RBM47: variants seen among roughly 807,000 people sequenced by gnomAD.
RBM47 encodes the protein RNA-binding protein 47.
RBM47 carries 21 observed loss-of-function variants against 47.1 expected under a neutral mutation model. The ratio of observed to expected loss-of-function variants is 0.45; its 90% CI spans 0.32 to 0.64. RBM47 has a LOEUF of 0.64. Among genes scored for constraint, RBM47 ranks in the 30% least tolerant of loss-of-function variants. The pLI, the probability that RBM47 is intolerant of heterozygous loss-of-function variation, is 0.05. For missense variants in RBM47, 708 were observed against 870.9 expected (o/e 0.81, Z 2.35); for synonymous variants, 375 against 361.7 (o/e 1.04, Z -0.42).
At chr4:40,610,402 C>T (rs780482504) in intron 1 of RBM47, among the ~76,000 whole-genome samples, 11 of 151,628 alleles carry the variant, frequency 7.3e-5, no homozygotes, top group Non-Finnish European at 1.5e-4. Flanking sequence ...GCAGGCAGAT[C>T]ACAAGGTCAG....
At chr4:40,525,876 G>A (rs2154257910) in intron 2 of RBM47, among the ~76,000 whole-genome samples, 1 of 152,236 alleles carries the variant, frequency 6.6e-6, no homozygotes, top group Non-Finnish European at 1.5e-5. Flanking sequence ...GGCTGGCCTG[G>A]CAGTGCTGCT....
At chr4:40,573,763 G>GAGAGAGAAAGAAAGAAAGAA in intron 1 of RBM47, among the ~76,000 whole-genome samples, 2 of 144,800 alleles carry the variant, frequency 1.4e-5, no homozygotes, top group East Asian at 4.1e-4. Flanking sequence ...GAAAGAGAGA[G>GAGAGAGAAAGAAAGAAAGAA]AGAGAGAAAG....
At chr4:40,604,771 C>A (rs866919907) in intron 1 of RBM47, among the ~76,000 whole-genome samples, 7 of 152,246 alleles carry the variant, frequency 4.6e-5, no homozygotes, top group South Asian at 2.1e-4. Flanking sequence ...GGCTGGAGTA[C>A]AGTGGTGCAA....
At chr4:40,451,089 G>A (rs1207003619) in intron 3 of RBM47, among the ~76,000 whole-genome samples, 2 of 150,030 alleles carry the variant, frequency 1.3e-5, no homozygotes, top group African/African-American at 4.9e-5. Flanking sequence ...GCTCACGCCT[G>A]TAATCCCAGC....
intron 1 of RBM47, among the ~76,000 whole-genome samples, chr4:40,566,885 G>A (rs1181384941): frequency 6.6e-6 from 1 of 151,590 alleles, no homozygotes; most frequent in South Asian, 2.1e-4. Flanking sequence ...ATCCTCCCAT[G>A]AGTCCTCCCA....
intron 2 of RBM47, among the ~76,000 whole-genome samples, chr4:40,472,917 C>G (rs1466011968): frequency 2.0e-5 from 3 of 152,106 alleles, no homozygotes; most frequent in Non-Finnish European, 4.4e-5. Context: ...GAGTGCTAGA[C>G]TTGAAATGGA....
intron 3 of RBM47, among the ~76,000 whole-genome samples, chr4:40,443,493 G>A (rs1003655468): frequency 6.6e-5 from 10 of 151,816 alleles, no homozygotes; most frequent in Admixed American, 6.6e-5. Flanking sequence ...TAAGGTGGGC[G>A]GATCACCTGA....
intron 1 of RBM47, among the ~76,000 whole-genome samples, chr4:40,595,630 G>C (rs1734682305): frequency 6.6e-6 from 1 of 152,176 alleles, no homozygotes; most frequent in Non-Finnish European, 1.5e-5. Context: ...GCTCATGCCT[G>C]TAATCCTAGC....
intron 2 of RBM47, among the ~76,000 whole-genome samples, chr4:40,511,143 C>CTG (rs2154253409): frequency 6.6e-6 from 1 of 152,308 alleles, no homozygotes; most frequent in South Asian, 2.1e-4. Context: ...CCAAGTTGCC[C>CTG]GTGTAGTTCT....
chr4:40,574,498 AG>A (rs566626932), intron 1 of RBM47, among the ~76,000 whole-genome samples: 30 of 152,352 alleles, frequency 2.0e-4, no homozygotes, highest in Admixed American at 6.5e-4. Context: ...AGAATCTCAT[AG>A]GTAATCACAA....
intron 1 of RBM47, among the ~76,000 whole-genome samples, chr4:40,576,255 TTGG>T (rs764553008): frequency 0.011 from 663 of 61,218 alleles, 4 homozygotes; most frequent in East Asian, 0.027. Flanking sequence ...TTTTTTTTTT[TTGG>T]GGGGGGGCGG....
At chr4:40,584,646 TA>T (rs1349464455) in intron 1 of RBM47, among the ~76,000 whole-genome samples, 1 of 152,034 alleles carries the variant, frequency 6.6e-6, no homozygotes, top group South Asian at 2.1e-4. Flanking sequence ...AAATTTACAG[TA>T]AAAAAAGTAG....
rs773506304 is a variant in RBM47, at chr4:40,432,719, C to G, written c.1474G>C (p.Ala492Pro). Residue 492 changes from alanine (A) to proline (P), a missense_variant, in exon 6 of 7, where the codon GCC becomes CCC. By Grantham distance (27) the Ala-to-Pro change is conservative. Transcript: ENST00000295971. Reference sequence around the variant, plus strand: ...GCGGCGGCTGCGGCCGCGGCTGCGGCGGCAGCAGCACTGGCTGGGTCTGGC... The same window carrying G: ...GCGGCGGCTGCGGCCGCGGCTGCGGGGGCAGCAGCACTGGCTGGGTCTGGC... ...VQPDPASAAA[A>P]AAAAAAAAAA... 1.2e-6 allele frequency: 2 copies of G among 1,611,620 alleles called. No homozygotes were observed. The highest frequency in any genetic ancestry group is 1.3e-5 in the African/African-American group (1 of 74,866).
At chr4:40,530,876 G>A (rs1727322573) in intron 2 of RBM47, among the ~76,000 whole-genome samples, 1 of 152,132 alleles carries the variant, frequency 6.6e-6, no homozygotes, top group African/African-American at 2.4e-5. Flanking sequence ...GAAGTGGGAG[G>A]ATCCTTGGAG....
rs56381747 is a variant in RBM47, at chr4:40,529,515, CAAAAAAAAAA to C, written c.-155+14897_-155+14906del. Among the ~76,000 whole-genome samples, 63 of 18,334 alleles carry C rather than the reference CAAAAAAAAAA, an allele frequency of 3.4e-3. 1 individual carries two copies. In the East Asian group the frequency reaches 0.049, roughly 14 times the overall value. The allele number at this position is 18,334 out of a possible 152,430, so 12.0% of individuals were successfully genotyped here. ...TGGGTGACAGAAGGAGACTCTGTCA[CAAAAAAAAAA>C]AAAAAAAAAAAAAAAAAAGCATCTA... On this transcript the variant is annotated intron_variant, in intron 2 of 6. Coordinates refer to ENST00000295971, the MANE Select transcript of RBM47 (RefSeq NM_001098634.2).
chr4:40,444,146 C>T (rs1714137158), intron 3 of RBM47, among the ~76,000 whole-genome samples: 1 of 152,140 alleles, frequency 6.6e-6, no homozygotes, highest in Non-Finnish European at 1.5e-5. Flanking sequence ...CTGCAGTGAG[C>T]TGTGACTGCG....
chr4:40,574,835 G>A (rs1732138120), intron 1 of RBM47, among the ~76,000 whole-genome samples: 1 of 152,088 alleles, frequency 6.6e-6, no homozygotes, highest in African/African-American at 2.4e-5. Context: ...GGGCAACAGA[G>A]TGAGACTCTG....
chr4:40,454,675 T>C (rs1364378218), intron 3 of RBM47, among the ~76,000 whole-genome samples: 1 of 152,106 alleles, frequency 6.6e-6, no homozygotes, highest in Non-Finnish European at 1.5e-5. Context: ...TTTTTGTATC[T>C]TTAGTACAGA....
chr4:40,500,498 C>T (rs1244569442), intron 2 of RBM47, among the ~76,000 whole-genome samples: 1 of 152,092 alleles, frequency 6.6e-6, no homozygotes, highest in African/African-American at 2.4e-5. Flanking sequence ...ATAGTCCCAG[C>T]TATTCAGGAG....
Sources: allele counts gnomAD v4.1 joint callset (sites outside exome capture counted in the v4.1 genomes callset), GRCh38; gene constraint gnomAD v4.1.1; transcripts MANE v1.5; gene names NCBI Gene and HGNC (gene_info 2026-07-23, HGNC 2026-07-21).